Variants in RAB3C observed in about 807,000 individuals in gnomAD.
RAB3C encodes RAB3C, member RAS oncogene family.
In RAB3C, 17 loss-of-function variants were observed where a neutral mutation model predicts 26.4. That is an observed-to-expected ratio of 0.64 (90% CI 0.44 to 0.97). RAB3C has a LOEUF of 0.97. RAB3C is among the 50% of genes least tolerant of loss of function. The probability of loss-of-function intolerance (pLI) is 0.00; values close to 1 mark genes in which losing one functional copy is unlikely to be tolerated. For missense variants in RAB3C, 242 were observed against 281.9 expected (o/e 0.86, Z 1.01); for synonymous variants, 91 against 95.9 (o/e 0.95, Z 0.30).
At chr5:58,702,378 G>A (rs1748862965) in intron 2 of RAB3C, among the ~76,000 whole-genome samples, 1 of 151,818 alleles carries the variant, frequency 6.6e-6, no homozygotes, top group African/African-American at 2.4e-5. Flanking sequence ...TTTCTTTCAT[G>A]CCTCATGCAC....
rs147556908 is a variant in RAB3C at position 58,798,086 on chromosome 5, T to C, written c.372-26952T>C. Among the ~76,000 whole-genome samples, 13 of 109,510 alleles carry C rather than the reference T, an allele frequency of 1.2e-4. No homozygotes were observed. In the East Asian group the frequency reaches 1.9e-3, roughly 16 times the overall value. 71.8% of individuals were successfully genotyped at this position (109,510 alleles called of 152,430 possible). On this transcript the variant is annotated intron_variant, in intron 3 of 4. Coordinates refer to ENST00000282878, the MANE Select transcript of RAB3C (RefSeq NM_138453.4). The stretch of plus-strand genomic sequence containing the variant: ...ACTTAAAGAGTAATCATTCAGAACA[T>C]ACTTGGCGGGGGGGCCTCCTCTTTA...
intron 4 of RAB3C, among the ~76,000 whole-genome samples, chr5:58,843,986 C>A (rs945184595): frequency 7.2e-5 from 11 of 152,098 alleles, no homozygotes; most frequent in Admixed American, 1.3e-4. Context: ...TTAAAAAAAA[C>A]CTTTTAATTA....
intron 3 of RAB3C, among the ~76,000 whole-genome samples, chr5:58,734,555 G>A (rs951552494): frequency 3.9e-5 from 6 of 152,068 alleles, no homozygotes; most frequent in African/African-American, 1.4e-4. Flanking sequence ...TTATTTTTGT[G>A]CAGATAACCC....
chr5:58,661,333 C>G (rs1747902775), intron 2 of RAB3C, among the ~76,000 whole-genome samples: 1 of 149,790 alleles, frequency 6.7e-6, no homozygotes, highest in African/African-American at 2.5e-5. Context: ...TTTTTTTCTT[C>G]CATGGTATTT....
At chr5:58,771,359 A>C (rs551120676) in intron 3 of RAB3C, among the ~76,000 whole-genome samples, 42 of 152,278 alleles carry the variant, frequency 2.8e-4, no homozygotes, top group African/African-American at 1.0e-3. Flanking sequence ...AAATACTAGT[A>C]ATTTAAATGA....
intron 3 of RAB3C, among the ~76,000 whole-genome samples, chr5:58,750,853 T>C (rs2111961758): frequency 6.6e-6 from 1 of 152,146 alleles, no homozygotes; most frequent in Admixed American, 6.5e-5. Context: ...TTTCCTTCCT[T>C]CCTTCCTTTT....
chr5:58,682,344 T>C (rs937907645), intron 2 of RAB3C, among the ~76,000 whole-genome samples: 1 of 152,182 alleles, frequency 6.6e-6, no homozygotes, highest in African/African-American at 2.4e-5. Context: ...CCACTGCCAC[T>C]ATGTTAAAAT....
intron 1 of RAB3C, among the ~76,000 whole-genome samples, chr5:58,594,847 T>C (rs1472279678): frequency 7.2e-6 from 1 of 138,478 alleles, no homozygotes; most frequent in Non-Finnish European, 1.6e-5. Flanking sequence ...TATTAACATG[T>C]AGGCTTTTTT....
At chr5:58,618,440 A>G (rs1293803073) in intron 2 of RAB3C, among the ~76,000 whole-genome samples, 1 of 152,218 alleles carries the variant, frequency 6.6e-6, no homozygotes. Context: ...TGCAAATAAA[A>G]CAAATGAAAT....
At chr5:58,682,984 G>A (rs1010689026) in intron 2 of RAB3C, among the ~76,000 whole-genome samples, 1 of 152,120 alleles carries the variant, frequency 6.6e-6, no homozygotes, top group African/African-American at 2.4e-5. Flanking sequence ...TGCAACAAAC[G>A]ATGTTTCCTT....
At chr5:58,707,230 CT>C (rs1748962323) in intron 2 of RAB3C, among the ~76,000 whole-genome samples, 1 of 152,016 alleles carries the variant, frequency 6.6e-6, no homozygotes, top group South Asian at 2.1e-4. Flanking sequence ...GTAATCACAC[CT>C]TTTTTAAAAA....
intron 3 of RAB3C, among the ~76,000 whole-genome samples, chr5:58,738,283 T>G (rs1741196497): frequency 6.6e-6 from 1 of 151,986 alleles, no homozygotes; most frequent in Non-Finnish European, 1.5e-5. Context: ...AATGAAGATA[T>G]GTGAAAAAAA....
chr5:58,808,327 A>G (rs775879422), intron 3 of RAB3C, among the ~76,000 whole-genome samples: 1 of 152,166 alleles, frequency 6.6e-6, no homozygotes, highest in Non-Finnish European at 1.5e-5. Context: ...AATTTGACAC[A>G]GTACACAGAG....
At chr5:58,629,547 G>C (rs1181996819) in intron 2 of RAB3C, among the ~76,000 whole-genome samples, 1 of 152,184 alleles carries the variant, frequency 6.6e-6, no homozygotes, top group African/African-American at 2.4e-5. Context: ...AGCCAAATGA[G>C]AATAGGCTTA....
rs1345852780 is a variant in RAB3C, at chr5:58,597,198, A to C, written c.24+13966A>C. On this transcript the variant is annotated intron_variant, in intron 1 of 4. Transcript: ENST00000282878. ...TATACTACATAATATATTATATAATAATATATACTACATAAATATTATATA... is the reference window on the plus strand; with the variant it reads ...TATACTACATAATATATTATATAATCATATATACTACATAAATATTATATA... 2.2e-3 allele frequency among the ~76,000 whole-genome samples: 224 copies of C among 100,708 alleles called. 8 individuals carry two copies. Among genetic ancestry groups the C allele is most frequent in the African/African-American group, 8.2e-3 (201 of 24,406 alleles). 66.1% of individuals were successfully genotyped at this position (100,708 alleles called of 152,430 possible).
At chr5:58,631,609 G>T (rs1318386685) in intron 2 of RAB3C, among the ~76,000 whole-genome samples, 1 of 152,118 alleles carries the variant, frequency 6.6e-6, no homozygotes, top group Non-Finnish European at 1.5e-5. Context: ...GACTCACAAG[G>T]CATATTATTG....
At chr5:58,825,199 T>G in intron 4 of RAB3C, 37 bp downstream of exon 4, 1 of 1,590,266 alleles carries the variant, frequency 6.3e-7, no homozygotes, top group Non-Finnish European at 8.6e-7. Context: ...AGAAAGATAA[T>G]TTGCTTATTA....
At chr5:58,665,795 T>G (rs1486739010) in intron 2 of RAB3C, among the ~76,000 whole-genome samples, 1 of 152,176 alleles carries the variant, frequency 6.6e-6, no homozygotes, top group Non-Finnish European at 1.5e-5. Context: ...TACATGTATT[T>G]TAGAACAAAG....
chr5:58,845,612 A>G lies in RAB3C; in HGVS notation c.497-5552A>G, dbSNP rs112735901. On this transcript the variant is annotated intron_variant, in intron 4 of 4. Coordinates refer to ENST00000282878, the MANE Select transcript of RAB3C (RefSeq NM_138453.4). ...ATTCTTACTATATATATATATATAT[A>G]TGTGTGTGTGTGTGTGTGTATATGT... 9.2e-3 allele frequency among the ~76,000 whole-genome samples: 756 copies of G among 81,758 alleles called. 51 individuals carry two copies. The highest frequency in any genetic ancestry group is 0.039 in the African/African-American group (675 of 17,242). The allele number at this position is 81,758 out of a possible 152,430, so 53.6% of individuals were successfully genotyped here. A position where few individuals can be genotyped will look rare whatever the true frequency, so the allele number is the denominator to read the frequency against.
Sources: allele counts gnomAD v4.1 joint callset (sites outside exome capture counted in the v4.1 genomes callset), GRCh38; gene constraint gnomAD v4.1.1; transcripts MANE v1.5; gene names NCBI Gene and HGNC (gene_info 2026-07-23, HGNC 2026-07-21).